MGAT4B: variants seen among roughly 807,000 people sequenced by gnomAD.
MGAT4B encodes the protein N-acetylglucosaminyltransferase IVb.
A neutral mutation model predicts 73.9 loss-of-function variants in MGAT4B; 38 were observed. The observed-to-expected ratio is 0.51, with a 90% CI of 0.40 to 0.67. The LOEUF (loss-of-function observed/expected upper bound fraction) is 0.67. MGAT4B is among the 30% of genes least tolerant of loss of function. The pLI is 0.00. For missense variants in MGAT4B, 686 were observed against 735.2 expected (o/e 0.93, Z 0.77); for synonymous variants, 373 against 313.5 (o/e 1.19, Z -2.01).
At chr5:179,805,044 C>T (rs1006939680) in intron 1 of MGAT4B, 10 of 152,322 alleles carry the variant, frequency 6.6e-5, no homozygotes, top group African/African-American at 2.4e-4. Flanking sequence ...GAGCCAGCCT[C>T]CTGGATGCCC....
intron 1 of MGAT4B, chr5:179,803,090 C>T: frequency 3.0e-6 from 3 of 985,556 alleles, no homozygotes; most frequent in Non-Finnish European, 3.6e-6. Context: ...ACACCCCTTT[C>T]CGAAACGGGC....
At position 179,801,918 on chromosome 5, in the gene MGAT4B, AACCGATCGC is replaced by A; in HGVS notation, c.140_148del (p.Arg47_Arg49del). 6.2e-7 allele frequency: 1 copy of A among 1,613,288 alleles called. No homozygotes were observed. On this transcript the variant is annotated inframe_deletion, in exon 2 of 15. Coordinates refer to ENST00000292591, the MANE Select transcript of MGAT4B (RefSeq NM_014275.5). This position sits in a 1 kb window ranked among gnomAD's most constrained non-coding sequence, Gnocchi z 4.8. ...GAGGCTCTCCTGCTCAGCTGCGTGCAACCGATCGCGCAGCGCCAGGAACTCCCGCTGGTA... is the reference window on the plus strand; with the variant it reads ...GAGGCTCTCCTGCTCAGCTGCGTGCAGCAGCGCCAGGAACTCCCGCTGGTA...
Position 179,801,291 on chromosome 5 carries a change from G to C in MGAT4B, c.558+43C>G. 1 of 1,576,276 alleles carries C rather than the reference G, an allele frequency of 6.3e-7. No homozygotes were observed. Among genetic ancestry groups the C allele is most frequent in the Non-Finnish European group, 8.6e-7 (1 of 1,157,176 alleles). ...CTGCTGTCAGTTCTGCACCGCGGGGGCTCCTCTGAATGTCCCCCAACCCCG... is the reference window on the plus strand; with the variant it reads ...CTGCTGTCAGTTCTGCACCGCGGGGCCTCCTCTGAATGTCCCCCAACCCCG... On this transcript the variant is annotated intron_variant, in intron 4 of 14. Coordinates refer to ENST00000292591, the MANE Select transcript of MGAT4B (RefSeq NM_014275.5). The surrounding 1 kb of genome is among the most constrained non-coding windows in gnomAD (Gnocchi z 4.8).
intron 1 of MGAT4B, chr5:179,802,962 C>T: frequency 4.1e-6 from 4 of 985,514 alleles, no homozygotes; most frequent in Non-Finnish European, 4.8e-6. Context: ...GCAGCTCTTC[C>T]ATTCCTTGAT....
chr5:179,803,269 AAGCGG>A, intron 1 of MGAT4B: 2 of 985,350 alleles, frequency 2.0e-6, no homozygotes, highest in Non-Finnish European at 2.4e-6. Context: ...GGCTGAGGCA[AAGCGG>A]AGCCTCTGGA....
In MGAT4B at chr5:179,801,623, G is replaced by A. The variant is rs272440; in HGVS notation, c.355C>T (p.Leu119=). The change falls in exon 3 of 15, where the codon CTG becomes TTG. Residue 119 remains leucine, a synonymous_variant. Coordinates refer to ENST00000292591, the MANE Select transcript of MGAT4B (RefSeq NM_014275.5). This position sits in a 1 kb window ranked among gnomAD's most constrained non-coding sequence, Gnocchi z 4.8. ...VLHLPTVFHH[L]PHLLAKESSL... is the part of the protein sequence containing the mutation. ...CTCTCCTTGGCCAGCAGGTGTGGCA[G>A]GTGATGGAAGACGGTGGGCAGGTGC... is the stretch of plus-strand genomic sequence containing the variant. 0.014 allele frequency: 21,730 copies of A among 1,606,872 alleles called. 2,374 individuals carry two copies. In the African/African-American group the frequency reaches 0.25, roughly 18 times the overall value.
intron 11 of MGAT4B, 141 bp downstream of exon 11, chr5:179,798,787 G>A: frequency 1.8e-6 from 2 of 1,137,054 alleles, no homozygotes; most frequent in Non-Finnish European, 1.3e-6. Context: ...GCCTGACTTA[G>A]TCCTCACAAG....
chr5:179,805,976 G>GCCTC (rs76500766), intron 1 of MGAT4B, among the ~76,000 whole-genome samples: 21 of 148,018 alleles, frequency 1.4e-4, no homozygotes, highest in Non-Finnish European at 2.4e-4. Context: ...GCCTCAGGAC[G>GCCTC]CCTCCCTCCC....
At chr5:179,799,660 G>A (rs756415327) in intron 8 of MGAT4B, 24 bp from the exon 9 acceptor site, 3 of 1,613,192 alleles carry the variant, frequency 1.9e-6, no homozygotes, top group Admixed American at 1.7e-5. Context: ...GCCTGAGTGG[G>A]CAGTGCTGCT....
At chr5:179,802,681 C>T (rs559361551) in intron 1 of MGAT4B, 2 of 986,362 alleles carry the variant, frequency 2.0e-6, no homozygotes, top group Non-Finnish European at 2.4e-6. Context: ...CTGTCAGAAC[C>T]TCCAGCTGGG....
chr5:179,797,805 C>T lies in MGAT4B; in HGVS notation c.*240G>A, dbSNP rs1484010690. The T allele has an allele frequency of 1.6e-5, 8 of 499,002 alleles. No individual in the cohort carries two copies. In the East Asian group the frequency reaches 2.2e-4, roughly 14 times the overall value. The allele number at this position is 499,002 out of a possible 1,614,324, so 30.9% of individuals were successfully genotyped here. A position where few individuals can be genotyped will look rare whatever the true frequency, so the allele number is the denominator to read the frequency against. ...CTGACTGGGGCAGGCCGGGTGCGAACGGTTCCGGGCCTCAGGCACAGTGTG... is the reference window on the plus strand; with the variant it reads ...CTGACTGGGGCAGGCCGGGTGCGAATGGTTCCGGGCCTCAGGCACAGTGTG... On this transcript the variant is annotated 3_prime_UTR_variant, in exon 15 of 15. Coordinates refer to ENST00000292591, the MANE Select transcript of MGAT4B (RefSeq NM_014275.5).
At chr5:179,802,996 G>A in intron 1 of MGAT4B, 1 of 985,454 alleles carries the variant, frequency 1.0e-6, no homozygotes, top group Non-Finnish European at 1.2e-6. Context: ...ACAGACCCCA[G>A]AGTTGCGTGG....
chr5:179,802,985 C>A, intron 1 of MGAT4B: 3 of 985,510 alleles, frequency 3.0e-6, no homozygotes, highest in Non-Finnish European at 3.6e-6. Flanking sequence ...TTGGTGGCTT[C>A]ACAGACCCCA....
In MGAT4B at chr5:179,800,563, C is replaced by T; in HGVS notation, c.640G>A (p.Val214Ile). 1.2e-6 allele frequency: 2 copies of T among 1,611,832 alleles called. No homozygotes were observed. Among genetic ancestry groups the T allele is most frequent in the Non-Finnish European group, 1.7e-6 (2 of 1,179,512 alleles). ...TAGAAGTGGGGGGAGGGTGAGATGA[C>T]CTCCAGGAGCCCAGAATGGATCTCC... ...PTEIHSGLLEVISPSPHFYPD... is the reference protein window; with the variant it reads ...PTEIHSGLLEIISPSPHFYPD... Residue 214 changes from valine to isoleucine, a missense_variant, in exon 6 of 15, where the codon GTC becomes ATC. Val to Ile is a conservative substitution (Grantham distance 29, BLOSUM62 3). Around this residue, in one of 2 missense-constraint regions of MGAT4B, gnomAD observed 449 missense variants for 536.8 expected, o/e 0.84. Transcript: ENST00000292591.
rs1052312805 is a variant in MGAT4B at position 179,801,156 on chromosome 5, G to A, written c.558+178C>T. On this transcript the variant is annotated intron_variant, in intron 4 of 14. Coordinates refer to ENST00000292591, the MANE Select transcript of MGAT4B (RefSeq NM_014275.5). This position sits in a 1 kb window ranked among gnomAD's most constrained non-coding sequence, Gnocchi z 4.8. Reference sequence around the variant, plus strand: ...CCAAGGACTAGGGGGTGGCGGGGGCGATGGGTAGGGGTAGAGGGTGCCAGA... The same window carrying A: ...CCAAGGACTAGGGGGTGGCGGGGGCAATGGGTAGGGGTAGAGGGTGCCAGA... Among the ~76,000 whole-genome samples, 1 of 151,760 alleles carries A rather than the reference G, an allele frequency of 6.6e-6. No individual in the cohort carries two copies. The highest frequency in any genetic ancestry group is 1.9e-4 in the East Asian group (1 of 5,176).
intron 1 of MGAT4B, chr5:179,802,471 TGGCTGCTGCAGTTCCAG>T: frequency 9.6e-7 from 1 of 1,037,090 alleles, no homozygotes; most frequent in South Asian, 4.0e-5. Flanking sequence ...CCCCGGGGGG[TGGCTGCTGCAGTTCCAG>T]GAGCCCACCT....
At position 179,802,201 on chromosome 5, in the gene MGAT4B, G is replaced by A. The variant is rs867200884; in HGVS notation, c.98-232C>T. ...CCCTCTTCCAGTACTCTCCCCCACC[G>A]GGGGTTATTTTATCCTCTGAGAAGG... On this transcript the variant is annotated intron_variant, in intron 1 of 14. Coordinates refer to ENST00000292591, the MANE Select transcript of MGAT4B (RefSeq NM_014275.5). 4.9e-5 allele frequency: 73 copies of A among 1,481,186 alleles called. No homozygotes were observed. In the African/African-American group the frequency reaches 5.6e-4, roughly 11 times the overall value. 91.8% of individuals were successfully genotyped at this position (1,481,186 alleles called of 1,614,324 possible). A position where few individuals can be genotyped will look rare whatever the true frequency, so the allele number is the denominator to read the frequency against.
In MGAT4B at chr5:179,799,275, G is replaced by T; in HGVS notation, c.1077C>A (p.Ile359=). 6.2e-7 allele frequency: 1 copy of T among 1,613,974 alleles called. No homozygotes were observed. Among genetic ancestry groups the T allele is most frequent in the Non-Finnish European group, 8.5e-7 (1 of 1,180,034 alleles). The change falls in exon 10 of 15, where the codon ATC becomes ATA. Residue 359 remains isoleucine, a synonymous_variant. Transcript: ENST00000292591. ...GCTGGAAGAGGGACGGTTTGAAGCGGATCCGCAGGTTGGCTTTCTGCCGGT... is the reference window on the plus strand; with the variant it reads ...GCTGGAAGAGGGACGGTTTGAAGCGTATCCGCAGGTTGGCTTTCTGCCGGT... ...HCDRQKANLR[I]RFKPSLFQHV...
At chr5:179,802,492 C>T in intron 1 of MGAT4B, 1 of 1,026,564 alleles carries the variant, frequency 9.7e-7, no homozygotes, top group Non-Finnish European at 1.2e-6. Flanking sequence ...GTTCCAGGAG[C>T]CCACCTCACT....
Sources: gnomAD v4.1 joint callset for allele counts (sites outside exome capture counted in the v4.1 genomes callset) on GRCh38, gnomAD v4.1.1 for gene constraint, gnomAD v4.1.1 regional missense constraint, Gnocchi (gnomAD v3.1) non-coding constraint, MANE v1.5 for transcripts, NCBI Gene and HGNC (gene_info 2026-07-23, HGNC 2026-07-21) for gene names.